FSTL5: variants seen among roughly 807,000 people sequenced by gnomAD.
FSTL5 encodes follistatin like 5.
Under a neutral mutation model 89.1 loss-of-function variants are expected in FSTL5, and 62 were observed. That is an observed-to-expected ratio of 0.70 (90% CI 0.57 to 0.86). The LOEUF (loss-of-function observed/expected upper bound fraction) is 0.86, where lower values mean the gene tolerates loss of function less well. Ranked by LOEUF, FSTL5 falls within the 40% of genes least tolerant of loss-of-function variation. The probability of loss-of-function intolerance (pLI) is 0.00; values close to 1 mark genes in which losing one functional copy is unlikely to be tolerated. For missense variants in FSTL5, 1,057 were observed against 1,001.6 expected (o/e 1.06, Z -0.75); for synonymous variants, 383 against 346.2 (o/e 1.11, Z -1.18).
chr4:161,693,655 T>TTC (rs386402074), intron 6 of FSTL5, among the ~76,000 whole-genome samples: 3 of 149,186 alleles, frequency 2.0e-5, no homozygotes, highest in African/African-American at 4.9e-5. Context: ...TTTTTTTTTT[T>TTC]TGAGACAGAG....
chr4:161,509,228 G>A (rs1331778421), intron 11 of FSTL5, among the ~76,000 whole-genome samples: 3 of 152,106 alleles, frequency 2.0e-5, no homozygotes, highest in South Asian at 2.1e-4. Context: ...GCTTGAACCC[G>A]AGAGGTGGAG....
At chr4:161,402,871 G>A (rs1323009884) in intron 15 of FSTL5, among the ~76,000 whole-genome samples, 1 of 151,364 alleles carries the variant, frequency 6.6e-6, no homozygotes, top group Non-Finnish European at 1.5e-5. Flanking sequence ...GCCCAGGCTG[G>A]AGTGCAGTGG....
At chr4:161,992,398 G>A (rs540012033) in intron 3 of FSTL5, among the ~76,000 whole-genome samples, 1 of 152,194 alleles carries the variant, frequency 6.6e-6, no homozygotes, top group East Asian at 1.9e-4. Context: ...TAAGATTTCC[G>A]GGAAATGTGA....
chr4:161,829,260 G>C (rs1254364575), intron 4 of FSTL5, among the ~76,000 whole-genome samples: 1 of 149,276 alleles, frequency 6.7e-6, no homozygotes, highest in Admixed American at 6.7e-5. Flanking sequence ...TATTCCAGAG[G>C]AAAAGCTCTT....
intron 3 of FSTL5, among the ~76,000 whole-genome samples, chr4:161,985,076 C>CTCAA (rs1560952913): frequency 2.0e-5 from 3 of 151,840 alleles, no homozygotes; most frequent in African/African-American, 7.3e-5. Context: ...CGTGCTTCAG[C>CTCAA]CTCCGGAGTA....
intron 3 of FSTL5, among the ~76,000 whole-genome samples, chr4:161,965,880 T>G (rs1735312238): frequency 6.6e-6 from 1 of 152,072 alleles, no homozygotes; most frequent in South Asian, 2.1e-4. Flanking sequence ...CAGTAGAGTA[T>G]GGGTAATCTG....
chr4:161,541,546 T>C (rs944441632), intron 9 of FSTL5, among the ~76,000 whole-genome samples: 2 of 152,032 alleles, frequency 1.3e-5, no homozygotes, highest in Admixed American at 6.6e-5. Context: ...ATTTCTAGGA[T>C]TAAAGTTTTT....
At chr4:161,437,837 A>G (rs565640557) in intron 15 of FSTL5, among the ~76,000 whole-genome samples, 64 of 152,116 alleles carry the variant, frequency 4.2e-4, no homozygotes, top group Non-Finnish European at 7.6e-4. Flanking sequence ...TGGCATAGAG[A>G]AAAAGGAAGT....
chr4:162,039,803 A>C (rs917359983), intron 2 of FSTL5, among the ~76,000 whole-genome samples: 5 of 152,000 alleles, frequency 3.3e-5, no homozygotes. Context: ...ATAGAAATAA[A>C]TTCTGCAGTA....
chr4:161,660,281 G>A (rs1736662370), intron 6 of FSTL5, among the ~76,000 whole-genome samples: 1 of 152,082 alleles, frequency 6.6e-6, no homozygotes, highest in Admixed American at 6.6e-5. Flanking sequence ...ACTTGGCTTA[G>A]AGAAAAACTA....
At chr4:161,622,001 A>C (rs530854342) in intron 7 of FSTL5, among the ~76,000 whole-genome samples, 2 of 151,862 alleles carry the variant, frequency 1.3e-5, no homozygotes, top group Admixed American at 1.3e-4. Flanking sequence ...CCTCTCAAAA[A>C]AATAAAATAA....
intron 13 of FSTL5, among the ~76,000 whole-genome samples, chr4:161,472,318 A>G (rs1220935313): frequency 2.0e-5 from 3 of 151,950 alleles, no homozygotes; most frequent in East Asian, 3.9e-4. Flanking sequence ...TGGTTTCAAT[A>G]GTTTTCTCTA....
intron 6 of FSTL5, among the ~76,000 whole-genome samples, chr4:161,757,690 C>T (rs1740626278): frequency 6.6e-6 from 1 of 152,076 alleles, no homozygotes; most frequent in African/African-American, 2.4e-5. Flanking sequence ...GTGATCTTGG[C>T]TCACTTCAAC....
Position 162,012,217 on chromosome 4 carries a change from T to A in FSTL5, c.160+21408A>T, listed in dbSNP as rs558444561. ...ATCCCTACAGGGTAACAGACAGAGA[T>A]GAGACATAAAGTCAAATGTCACCTT... is the stretch of plus-strand genomic sequence containing the variant. On this transcript the variant is annotated intron_variant, in intron 3 of 15. Transcript: ENST00000306100. Among the ~76,000 whole-genome samples, 8 of 152,274 alleles carry A rather than the reference T, an allele frequency of 5.3e-5. No individual in the cohort carries two copies. The South Asian group carries it at 8.3e-4, about 16-fold the overall frequency.
intron 7 of FSTL5, among the ~76,000 whole-genome samples, chr4:161,620,296 A>G (rs1735075434): frequency 6.6e-6 from 1 of 152,052 alleles, no homozygotes; most frequent in South Asian, 2.1e-4. Context: ...ATTTGTAACT[A>G]ACCTGCACAT....
intron 7 of FSTL5, among the ~76,000 whole-genome samples, chr4:161,598,276 G>A (rs1235955503): frequency 6.6e-6 from 1 of 152,034 alleles, no homozygotes; most frequent in Non-Finnish European, 1.5e-5. Context: ...TTGGGAGGCT[G>A]AGACAGGAGA....
intron 15 of FSTL5, among the ~76,000 whole-genome samples, chr4:161,439,132 C>T (rs916343289): frequency 3.9e-5 from 6 of 152,088 alleles, no homozygotes; most frequent in East Asian, 1.9e-4. Context: ...TTTATTCAGT[C>T]GGTGTCTTGT....
At position 161,606,680 on chromosome 4, in the gene FSTL5, G is replaced by A. The variant is rs182173698; in HGVS notation, c.895-19105C>T. Among the ~76,000 whole-genome samples, 14 of 152,210 alleles carry A rather than the reference G, an allele frequency of 9.2e-5. No homozygotes were observed. In the East Asian group the frequency reaches 2.5e-3, roughly 27 times the overall value. On this transcript the variant is annotated intron_variant, in intron 7 of 15. Coordinates refer to ENST00000306100, the MANE Select transcript of FSTL5 (RefSeq NM_020116.5). ...GTTTTCTTAAGAAATAATGTTCAGA[G>A]TAATTCATAGGAGTCATTGCATTGG...
At chr4:162,067,993 G>T (rs1362514325) in intron 2 of FSTL5, among the ~76,000 whole-genome samples, 2 of 151,992 alleles carry the variant, frequency 1.3e-5, no homozygotes, top group Non-Finnish European at 2.9e-5. Context: ...GTTAACAAGG[G>T]AAGTGAAGGC....
Sources: allele counts gnomAD v4.1 joint callset (sites outside exome capture counted in the v4.1 genomes callset), GRCh38; gene constraint gnomAD v4.1.1; transcripts MANE v1.5; gene names NCBI Gene and HGNC (gene_info 2026-07-23, HGNC 2026-07-21).